The following GALNT13 variants were observed in gnomAD, a reference collection of about 807,000 sequenced individuals.
The protein encoded by GALNT13 is UDP-GalNAc:polypeptide N-acetylgalactosaminyltransferase 13.
A neutral mutation model predicts 64.2 loss-of-function variants in GALNT13; 28 were observed. The observed-to-expected ratio is 0.44, with a 90% CI of 0.32 to 0.60. The LOEUF (loss-of-function observed/expected upper bound fraction) is 0.60. GALNT13 is among the 20% of genes least tolerant of loss of function. The pLI is 0.05. For missense variants in GALNT13, 577 were observed against 669.8 expected, an observed-to-expected ratio of 0.86 and a Z score of 1.53; for synonymous variants, 214 against 224.6, an observed-to-expected ratio of 0.95 and a Z score of 0.42.
chr2:153,589,804 A>G, the GALNT13 span, among the ~76,000 whole-genome samples: 1 of 152,180 alleles, frequency 6.6e-6, no homozygotes, highest in Non-Finnish European at 1.5e-5. Context: ...TGCCCCCATG[A>G]TTCATTTACC....
At chr2:154,276,684 G>T (rs1691668002) in intron 8 of GALNT13, among the ~76,000 whole-genome samples, 1 of 152,186 alleles carries the variant, frequency 6.6e-6, no homozygotes, top group East Asian at 1.9e-4. Context: ...TATGATTTAT[G>T]TGTGTCCTCA....
At chr2:154,012,078 T>C (rs1696675762) in intron 3 of GALNT13, among the ~76,000 whole-genome samples, 1 of 152,184 alleles carries the variant, frequency 6.6e-6, no homozygotes, top group Admixed American at 6.5e-5. Context: ...TCAAGATTAA[T>C]GTTGATAAGT....
chr2:153,672,685 C>A, the GALNT13 span, among the ~76,000 whole-genome samples: 293 of 150,480 alleles, frequency 1.9e-3, 2 homozygotes, highest in African/African-American at 6.5e-3. Flanking sequence ...TAGCAGAAGA[C>A]AAGAAATATC....
rs140767226 is a variant in GALNT13 at position 154,218,494 on chromosome 2, A to G, written c.312-23536A>G. On this transcript the variant is annotated intron_variant, in intron 4 of 12. Coordinates refer to ENST00000392825, the MANE Select transcript of GALNT13 (RefSeq NM_052917.4). The stretch of plus-strand genomic sequence containing the variant: ...TCTTAAGAGCCATTGTCTTTCAAAG[A>G]GTGATTGTCTTTATTCACTCATTTC... Among the ~76,000 whole-genome samples, 18 of 152,184 alleles carry G rather than the reference A, an allele frequency of 1.2e-4. No individual in the cohort carries two copies. The East Asian group carries it at 3.5e-3, about 29-fold the overall frequency.
chr2:153,393,343 A>G, the GALNT13 span, among the ~76,000 whole-genome samples: 3 of 150,588 alleles, frequency 2.0e-5, no homozygotes, highest in Non-Finnish European at 4.4e-5. Flanking sequence ...GTCTTGTTTC[A>G]TTTTGCTTTT....
intron 9 of GALNT13, among the ~76,000 whole-genome samples, chr2:154,302,388 T>A (rs900886240): frequency 2.0e-5 from 3 of 152,226 alleles, no homozygotes; most frequent in Non-Finnish European, 4.4e-5. Flanking sequence ...GTCATTATTG[T>A]CATTATTATG....
chr2:153,469,415 G>A, the GALNT13 span, among the ~76,000 whole-genome samples: 1 of 152,018 alleles, frequency 6.6e-6, no homozygotes, highest in African/African-American at 2.4e-5. Context: ...GAATCAAGAA[G>A]TCCACTAATG....
chr2:153,174,467 ATTT>A, the GALNT13 span, among the ~76,000 whole-genome samples: 39 of 136,580 alleles, frequency 2.9e-4, no homozygotes, highest in Non-Finnish European at 3.2e-4. Context: ...CACATTTTCT[ATTT>A]TTTTTTTTTT....
At chr2:153,273,336 A>G in the GALNT13 span, among the ~76,000 whole-genome samples, 1 of 152,170 alleles carries the variant, frequency 6.6e-6, no homozygotes, top group Admixed American at 6.6e-5. Context: ...AGGTTATATG[A>G]GGTGAAAGTA....
At chr2:154,391,443 A>C (rs910259452) in intron 9 of GALNT13, among the ~76,000 whole-genome samples, 4 of 152,138 alleles carry the variant, frequency 2.6e-5, no homozygotes, top group Non-Finnish European at 5.9e-5. Flanking sequence ...GACCAACTGA[A>C]TCAAATTGCA....
At chr2:154,180,179 C>T (rs2105727331) in intron 4 of GALNT13, among the ~76,000 whole-genome samples, 1 of 152,252 alleles carries the variant, frequency 6.6e-6, no homozygotes, top group East Asian at 1.9e-4. Context: ...CTGTAGCCTT[C>T]TCTAATCATT....
At chr2:154,335,264 A>G (rs1229941569) in intron 9 of GALNT13, among the ~76,000 whole-genome samples, 9 of 151,994 alleles carry the variant, frequency 5.9e-5, no homozygotes, top group Non-Finnish European at 8.8e-5. Context: ...TGACAGCAAA[A>G]GGCATTATTA....
the GALNT13 span, chr2:153,370,594 C>T: frequency 3.3e-5 from 5 of 152,186 alleles, no homozygotes; most frequent in Middle Eastern, 3.4e-3. Flanking sequence ...AAAAAGCATT[C>T]GATGCCTTGT....
At chr2:153,413,881 G>A in the GALNT13 span, among the ~76,000 whole-genome samples, 7 of 152,168 alleles carry the variant, frequency 4.6e-5, no homozygotes, top group South Asian at 2.1e-4. Flanking sequence ...GCATCTAAGC[G>A]TTACCCACAA....
the GALNT13 span, among the ~76,000 whole-genome samples, chr2:153,438,266 C>T: frequency 1.3e-5 from 2 of 152,084 alleles, no homozygotes; most frequent in Non-Finnish European, 2.9e-5. Context: ...ACATTTTTTC[C>T]TTCATTTCAA....
At chr2:154,349,315 T>C (rs1696253241) in intron 9 of GALNT13, among the ~76,000 whole-genome samples, 1 of 152,210 alleles carries the variant, frequency 6.6e-6, no homozygotes, top group Admixed American at 6.5e-5. Flanking sequence ...TACAACTGTT[T>C]TAACTGGTTT....
Position 154,148,719 on chromosome 2 carries a change from G to A in GALNT13, c.311+8214G>A, listed in dbSNP as rs553157398. Among the ~76,000 whole-genome samples the A allele has an allele frequency of 2.5e-3, 376 of 152,308 alleles. 4 individuals carry two copies. The highest frequency in any genetic ancestry group is 7.8e-3 in the African/African-American group (324 of 41,560). On this transcript the variant is annotated intron_variant, in intron 4 of 12. Coordinates refer to ENST00000392825, the MANE Select transcript of GALNT13 (RefSeq NM_052917.4). ...TCATGTGTCTTTTGGCTGCATAAAT[G>A]TCTTCTTTTGAGAAGTGTCTGTTCA...
At position 154,141,831 on chromosome 2, in the gene GALNT13, A is replaced by G. The variant is rs372640090; in HGVS notation, c.311+1326A>G. On this transcript the variant is annotated intron_variant, in intron 4 of 12. Coordinates refer to ENST00000392825, the MANE Select transcript of GALNT13 (RefSeq NM_052917.4). The stretch of plus-strand genomic sequence containing the variant: ...CTTAATTATCAGCTATGGAAGAAAT[A>G]TGCACTTGGAAATAATATTGCACGA... 3.3e-5 allele frequency among the ~76,000 whole-genome samples: 5 copies of G among 152,324 alleles called. No homozygotes were observed. In the East Asian group the frequency reaches 9.6e-4, roughly 29 times the overall value.
chr2:153,349,864 A>AT, the GALNT13 span, among the ~76,000 whole-genome samples: 1 of 152,284 alleles, frequency 6.6e-6, no homozygotes, highest in East Asian at 1.9e-4. Context: ...ATAGAATCCA[A>AT]TTAAAAAAAA....
Sources: gnomAD v4.1 joint callset for allele counts (sites outside exome capture counted in the v4.1 genomes callset) on GRCh38, gnomAD v4.1.1 for gene constraint, MANE v1.5 for transcripts, NCBI Gene and HGNC (gene_info 2026-07-23, HGNC 2026-07-21) for gene names.